Variants in ANGPT2 observed in about 807,000 individuals in gnomAD.
ANGPT2 encodes the protein angiopoietin 2, also known as angiopoietin-2.
ANGPT2 carries 28 observed loss-of-function variants against 62.9 expected under a neutral mutation model. The ratio of observed to expected loss-of-function variants is 0.44; its 90% confidence interval spans 0.33 to 0.61. The LOEUF (loss-of-function observed/expected upper bound fraction) is 0.61. ANGPT2 is among the 20% of genes least tolerant of loss of function. ANGPT2 has a pLI of 0.03. For missense variants in ANGPT2, 727 were observed against 594.9 expected (o/e 1.22, Z -2.31); for synonymous variants, 284 against 207.8 (o/e 1.37, Z -3.15).
intron 1 of ANGPT2, among the ~76,000 whole-genome samples, chr8:6,553,335 G>A (rs1037110264): frequency 6.6e-6 from 1 of 152,098 alleles, no homozygotes; most frequent in African/African-American, 2.4e-5. Context: ...ACAACAAAAT[G>A]TTATTGTGTA....
chr8:6,505,304 TA>T (rs1563305898), intron 8 of ANGPT2, among the ~76,000 whole-genome samples: 5,607 of 57,934 alleles, frequency 0.097, 626 homozygotes, highest in African/African-American at 0.14. Flanking sequence ...CATATATATG[TA>T]TATAACATAT....
chr8:6,551,877 A>C (rs574877575), intron 1 of ANGPT2, among the ~76,000 whole-genome samples: 1 of 152,212 alleles, frequency 6.6e-6, no homozygotes, highest in Non-Finnish European at 1.5e-5. Flanking sequence ...CATTAAGACC[A>C]GTTTGTTTAG....
Position 6,499,642 on chromosome 8 carries a change from T to A in ANGPT2, c.*3459A>T. On this transcript the variant is annotated 3_prime_UTR_variant, in exon 9 of 9. Coordinates refer to ENST00000629816, the MANE Select transcript of ANGPT2 (RefSeq NM_001118887.2). The stretch of plus-strand genomic sequence containing the variant: ...GAATAATGACTCAGATTTCTTGTTA[T>A]CGTGAGACTTTTTCTCAATCAACTT... 1 of 520,258 alleles carries A rather than the reference T, an allele frequency of 1.9e-6. No homozygotes were observed. Among genetic ancestry groups the A allele is most frequent in the Non-Finnish European group, 3.4e-6 (1 of 290,102 alleles). 32.2% of individuals were successfully genotyped at this position (520,258 alleles called of 1,614,324 possible). A position where few individuals can be genotyped will look rare whatever the true frequency, so the allele number is the denominator to read the frequency against.
intron 1 of ANGPT2, among the ~76,000 whole-genome samples, chr8:6,543,303 C>A (rs1475187146): frequency 6.6e-6 from 1 of 152,194 alleles, no homozygotes; most frequent in African/African-American, 2.4e-5. Context: ...CCGCCGTCCG[C>A]AAATGTGTTT....
chr8:6,521,666 C>CATCT (rs1179116895), intron 3 of ANGPT2, among the ~76,000 whole-genome samples: 1 of 152,110 alleles, frequency 6.6e-6, no homozygotes, highest in Non-Finnish European at 1.5e-5. Flanking sequence ...AAAGGTACCC[C>CATCT]ATCTGGTCCA....
At chr8:6,542,636 T>G (rs1369558670) in intron 1 of ANGPT2, among the ~76,000 whole-genome samples, 1 of 152,132 alleles carries the variant, frequency 6.6e-6, no homozygotes, top group Non-Finnish European at 1.5e-5. Flanking sequence ...GCATTAACAT[T>G]CTTACTTTTT....
At chr8:6,559,544 C>A (rs370141139) in intron 1 of ANGPT2, among the ~76,000 whole-genome samples, 19,487 of 152,046 alleles carry the variant, frequency 0.13, 1,325 homozygotes, top group South Asian at 0.18. Flanking sequence ...AAATGTTTGC[C>A]TCCGTAGTAG....
chr8:6,562,578 T>TTTTTTTTTTTTAAA, intron 1 of ANGPT2, 69 bp downstream of exon 1: 1 of 880,186 alleles, frequency 1.1e-6, no homozygotes, highest in Non-Finnish European at 1.6e-6. Flanking sequence ...TTTTGGTTGT[T>TTTTTTTTTTTTAAA]AAAACCTGAG....
intron 1 of ANGPT2, among the ~76,000 whole-genome samples, chr8:6,544,186 A>G (rs1822119127): frequency 6.6e-6 from 1 of 152,224 alleles, no homozygotes; most frequent in Non-Finnish European, 1.5e-5. Flanking sequence ...GAATCAACAT[A>G]TTTACCATTT....
At chr8:6,521,489 A>G (rs1817326447) in intron 3 of ANGPT2, 79 bp from the exon 4 acceptor site, 3 of 1,032,462 alleles carry the variant, frequency 2.9e-6, no homozygotes, top group South Asian at 3.4e-5. Context: ...CTACTTCTCC[A>G]AGGTACTCTG....
intron 7 of ANGPT2, among the ~76,000 whole-genome samples, chr8:6,511,950 T>C (rs1815218733): frequency 6.6e-6 from 1 of 151,868 alleles, no homozygotes; most frequent in South Asian, 2.1e-4. Flanking sequence ...CTGTTGCCAG[T>C]TGAAAAAATA....
chr8:6,562,511 C>A, intron 1 of ANGPT2, 136 bp downstream of exon 1: 1 of 753,346 alleles, frequency 1.3e-6, no homozygotes, highest in South Asian at 3.4e-5. Context: ...TTGAGGGTAC[C>A]AGCAACCCGC....
chr8:6,505,627 A>G (rs11786210), intron 8 of ANGPT2, among the ~76,000 whole-genome samples: 22,136 of 111,818 alleles, frequency 0.2, 4,273 homozygotes, highest in Middle Eastern at 0.38. Context: ...ATATTTATAT[A>G]TGAATGTATA....
chr8:6,511,691 A>C (rs978513908), intron 7 of ANGPT2, among the ~76,000 whole-genome samples: 1 of 152,166 alleles, frequency 6.6e-6, no homozygotes, highest in African/African-American at 2.4e-5. Context: ...TGTAATATCT[A>C]TTTTATCTTG....
intron 1 of ANGPT2, among the ~76,000 whole-genome samples, chr8:6,558,017 C>T (rs1824930702): frequency 6.6e-6 from 1 of 152,188 alleles, no homozygotes; most frequent in Non-Finnish European, 1.5e-5. Flanking sequence ...GTCTCTGTCT[C>T]TCCTGCCCCT....
chr8:6,554,937 T>C (rs1226234997), intron 1 of ANGPT2, among the ~76,000 whole-genome samples: 1 of 152,176 alleles, frequency 6.6e-6, no homozygotes, highest in South Asian at 2.1e-4. Context: ...AGAAAGGTGA[T>C]TTCATGGAGA....
chr8:6,523,256 C>G (rs1366051084), intron 3 of ANGPT2, among the ~76,000 whole-genome samples: 2 of 152,128 alleles, frequency 1.3e-5, no homozygotes, highest in Non-Finnish European at 2.9e-5. Context: ...CCCTGCCTCC[C>G]AAAGTGCTGG....
chr8:6,514,224 C>G (rs1302851040), intron 6 of ANGPT2, among the ~76,000 whole-genome samples: 2 of 152,296 alleles, frequency 1.3e-5, no homozygotes, highest in South Asian at 2.1e-4. Context: ...GAGTCTTACT[C>G]TGTTGCCCAG....
At chr8:6,554,774 G>A (rs1461212989) in intron 1 of ANGPT2, among the ~76,000 whole-genome samples, 3 of 152,148 alleles carry the variant, frequency 2.0e-5, no homozygotes, top group Non-Finnish European at 1.5e-5. Context: ...AGAGTCCACA[G>A]GTTTCAATCA....
Sources: gnomAD v4.1 joint callset for allele counts (sites outside exome capture counted in the v4.1 genomes callset) on GRCh38, gnomAD v4.1.1 for gene constraint, MANE v1.5 for transcripts, NCBI Gene and HGNC (gene_info 2026-07-23, HGNC 2026-07-21) for gene names.